Variants in AP4B1 observed in about 807,000 individuals in gnomAD.
The protein encoded by AP4B1 is AP-4 complex subunit beta-1.
A neutral mutation model predicts 76.5 loss-of-function variants in AP4B1; 49 were observed. That is an observed-to-expected ratio of 0.64 (90% confidence interval 0.51 to 0.81). The LOEUF is 0.81. Ranked by LOEUF, AP4B1 falls within the 40% of genes least tolerant of loss-of-function variation. The pLI is 0.00. For synonymous variants in AP4B1, 330 were observed against 333.3 expected, an observed-to-expected ratio of 0.99 and a Z score of 0.11; for missense variants, 911 against 904.9, an observed-to-expected ratio of 1.01 and a Z score of -0.09.
At chr1:113,902,899 A>G in intron 1 of AP4B1, 37 bp from the exon 2 acceptor site, 1 of 1,591,116 alleles carries the variant, frequency 6.3e-7, no homozygotes, top group Non-Finnish European at 8.6e-7. Flanking sequence ...GTAAAATGCA[A>G]AATCCCCAAC....
In AP4B1 at chr1:113,898,772, A is replaced by G. The variant is rs781635999; in HGVS notation, c.1144T>C (p.Cys382Arg). 4 of 1,609,894 alleles carry G rather than the reference A, an allele frequency of 2.5e-6. No homozygotes were observed. Among genetic ancestry groups the G allele is most frequent in the Admixed American group, 3.3e-5 (2 of 60,000 alleles). Residue 382 changes from cysteine to arginine, a missense_variant, in exon 6 of 10, where the codon TGT becomes CGT. By Grantham distance (180) the Cys-to-Arg change is radical. Transcript: ENST00000369569. ...AGCAACTCTGTTAAAATCTGAACAC[A>G]TTGATCTGTGTAAGTCCTGGCAATG... Reference protein sequence around the residue: ...GGIARTYTDQCVQILTELLGL... With the variant: ...GGIARTYTDQRVQILTELLGL...
At chr1:113,900,425 G>A (rs200973324) in intron 4 of AP4B1, 25 bp from the exon 5 acceptor site, 35 of 1,612,718 alleles carry the variant, frequency 2.2e-5, no homozygotes, top group African/African-American at 2.0e-4. Context: ...AAACAAAAGA[G>A]CTATTTTAGC....
chr1:113,895,837 T>A lies in AP4B1; in HGVS notation c.1712A>T (p.His571Leu). 6.2e-7 allele frequency: 1 copy of A among 1,614,230 alleles called. No homozygotes were observed. The highest frequency in any genetic ancestry group is 8.5e-7 in the Non-Finnish European group (1 of 1,180,020). ...CTGGCATTTAGAGATAGTTGCCCAG[T>A]GGGCTTTGCCATACACTGGCACCAG... ...NTLVPVYGKAHWATISKCQGA... is the reference protein window; with the variant it reads ...NTLVPVYGKALWATISKCQGA... The change falls in exon 9 of 10, where the codon CAC (histidine) becomes CTC (leucine). Residue 571 changes from histidine to leucine, a missense_variant. Transcript: ENST00000369569.
chr1:113,901,337 A>G lies in AP4B1; in HGVS notation c.516T>C (p.Asp172=). The G allele has an allele frequency of 1.2e-6, 2 of 1,614,132 alleles. No homozygotes were observed. Among genetic ancestry groups the G allele is most frequent in the Non-Finnish European group, 1.7e-6 (2 of 1,179,998 alleles). The stretch of plus-strand genomic sequence containing the variant: ...TCAAGCAGTTCACAACTACAATTGG[A>G]TCCTGGTCACGCAGCAAACTGTATA... The part of the protein sequence containing the change: ...NELYSLLRDQ[D]PIVVVNCLRS... The change falls in exon 4 of 10, where the codon GAT becomes GAC. Residue 172 remains aspartate, a synonymous_variant. Transcript: ENST00000369569.
upstream of AP4B1, chr1:113,904,808 T>C (rs1668766891): frequency 3.7e-6 from 4 of 1,095,626 alleles, no homozygotes; most frequent in Admixed American, 1.7e-5. Flanking sequence ...GTAAAGGAAA[T>C]ATGAGTCAGT....
chr1:113,900,125 C>T lies in AP4B1; in HGVS notation c.893G>A (p.Cys298Tyr). 1 of 1,614,206 alleles carries T rather than the reference C, an allele frequency of 6.2e-7. No homozygotes were observed. Among genetic ancestry groups the T allele is most frequent in the South Asian group, 1.1e-5 (1 of 91,086 alleles). The change falls in exon 5 of 10, where the codon TGT becomes TAT. Residue 298 changes from cysteine (C) to tyrosine (Y), a missense_variant. By Grantham distance (194) the Cys-to-Tyr change is radical (BLOSUM62 -2). Transcript: ENST00000369569. ...ACTATGCAAGATCTGGCGTACATGA[C>T]AAAGAGCAACAAAACAGAGCTCACG... ...ESRELCFVAL[C>Y]HVRQILHSLP...
At position 113,900,027 on chromosome 1, in the gene AP4B1, G is replaced by A. The variant is rs2101024858; in HGVS notation, c.991C>T (p.Gln331Ter). Residue 331 changes from glutamine to a stop codon, truncating the protein, a stop_gained, in exon 5 of 10, where the codon CAG (glutamine) becomes TAG (stop). Coordinates refer to ENST00000369569, the MANE Select transcript of AP4B1 (RefSeq NM_001253852.3). LOFTEE classifies it high-confidence loss of function. The part of the protein sequence containing the change: ...SYSEPHYIKL[Q>*]KVEVLCELVN... ...AGTTCACACAGCACCTCCACTTTCT[G>A]TAGTTTGATGTAGTGGGGCTCCGAG... The A allele has an allele frequency of 6.2e-7, 1 of 1,614,174 alleles. No individual in the cohort carries two copies. Among genetic ancestry groups the A allele is most frequent in the South Asian group, 1.1e-5 (1 of 91,088 alleles).
chr1:113,896,113 G>T, intron 8 of AP4B1, 75 bp from the exon 9 acceptor site: 1 of 1,606,554 alleles, frequency 6.2e-7, no homozygotes, highest in South Asian at 1.1e-5. Flanking sequence ...ACCATAATAG[G>T]AGAAAAAAAT....
Position 113,902,868 on chromosome 1 carries a change from C to A in AP4B1, c.114-6G>T. ...CCAAGCCTTGAGTCATGTACCTGAA[C>A]AACGCACATGACAGAAGGAAGTAAA... On this transcript the variant is annotated splice_region_variant and splice_polypyrimidine_tract_variant and intron_variant, in intron 1 of 9. Transcript: ENST00000369569. 1 of 1,613,368 alleles carries A rather than the reference C, an allele frequency of 6.2e-7. No individual in the cohort carries two copies. Among genetic ancestry groups the A allele is most frequent in the Non-Finnish European group, 8.5e-7 (1 of 1,179,396 alleles).
At chr1:113,904,513 G>T in intron 1 of AP4B1, 92 bp downstream of exon 1, 1 of 1,225,084 alleles carries the variant, frequency 8.2e-7, no homozygotes, top group Non-Finnish European at 1.2e-6. Flanking sequence ...ACGTGTGAAA[G>T]CTAATTCACC....
chr1:113,903,005 A>G, intron 1 of AP4B1, 143 bp from the exon 2 acceptor site: 1 of 725,416 alleles, frequency 1.4e-6, no homozygotes, highest in Non-Finnish European at 2.5e-6. Context: ...TGTCTATTAT[A>G]TCACACAGTA....
rs1667474835 is a variant in AP4B1 at position 113,896,427 on chromosome 1, C to T, written c.1341G>A (p.Gly447=). ...QALIWLLGVH[G]ERIPNAPYVL... is the part of the protein sequence containing the mutation. ...CATAAGGAGCATTAGGAATTCTTTC[C>T]CCATGGACACCAAGTAGCCAAATAA... Residue 447 remains glycine (G), a synonymous_variant, in exon 8 of 10, where the codon GGG becomes GGA. Transcript: ENST00000369569. 3.1e-6 allele frequency: 5 copies of T among 1,614,020 alleles called. No homozygotes were observed. The highest frequency in any genetic ancestry group is 1.3e-5 in the African/African-American group (1 of 74,896).
chr1:113,896,821 C>T, intron 7 of AP4B1: 1 of 302,588 alleles, frequency 3.3e-6, no homozygotes, highest in Non-Finnish European at 6.2e-6. Flanking sequence ...CTAGAGTGCA[C>T]ATCAGAGTCA....
rs374836007 is a variant in AP4B1, at chr1:113,894,308, T to C, written c.*757A>G. 9.2e-5 allele frequency among the ~76,000 whole-genome samples: 14 copies of C among 152,274 alleles called. No individual in the cohort carries two copies. The East Asian group carries it at 1.5e-3, about 17-fold the overall frequency. On this transcript the variant is annotated 3_prime_UTR_variant, in exon 10 of 10. Transcript: ENST00000369569. Reference sequence around the variant, plus strand: ...TTGAGGACAAGCAACAAGAAAACAATTACAATACTACTGCTAGAGGTATGC... The same window carrying C: ...TTGAGGACAAGCAACAAGAAAACAACTACAATACTACTGCTAGAGGTATGC...
chr1:113,895,041 C>T lies in AP4B1; in HGVS notation c.*24G>A. ...GAAAGTGTAATAGTTATTCATCTTA[C>T]TCTAGACAAGCAACAAGACTCTGTT... On this transcript the variant is annotated 3_prime_UTR_variant, in exon 10 of 10. Coordinates refer to ENST00000369569, the MANE Select transcript of AP4B1 (RefSeq NM_001253852.3). 6.2e-7 allele frequency: 1 copy of T among 1,606,084 alleles called. No individual in the cohort carries two copies.
rs1323439008 is a variant in AP4B1 at position 113,895,919 on chromosome 1, G to A, written c.1630C>T (p.Leu544Phe). 3.1e-6 allele frequency: 5 copies of A among 1,614,072 alleles called. No homozygotes were observed. The African/African-American group carries it at 5.3e-5, about 17-fold the overall frequency. ...CSPKSDPTLG[L>F]LEDPAERPVN... The stretch of plus-strand genomic sequence containing the variant: ...GGTCTTTCTGCCGGATCCTCCAAAA[G>A]TCCAAGAGTAGGGTCAGATTTAGGG... The change falls in exon 9 of 10, where the codon CTT (leucine) becomes TTT (phenylalanine). Residue 544 changes from leucine (L) to phenylalanine (F), a missense_variant. By Grantham distance (22) the Leu-to-Phe change is conservative. Transcript: ENST00000369569.
At chr1:113,898,480 CA>C (rs1667770134) in intron 6 of AP4B1, among the ~76,000 whole-genome samples, 1 of 152,192 alleles carries the variant, frequency 6.6e-6, no homozygotes, top group Admixed American at 6.5e-5. Context: ...AAATATCAAG[CA>C]AGGTCATCCT....
At chr1:113,902,951 C>A in intron 1 of AP4B1, 89 bp from the exon 2 acceptor site, 1 of 1,182,978 alleles carries the variant, frequency 8.5e-7, no homozygotes, top group South Asian at 1.2e-5. Flanking sequence ...CCTGATTACC[C>A]AACTAGATTG....
rs1571524308 is a variant in AP4B1, at chr1:113,894,709, G to A, written c.*356C>T. 2 of 262,882 alleles carry A rather than the reference G, an allele frequency of 7.6e-6. No homozygotes were observed. Among genetic ancestry groups the A allele is most frequent in the East Asian group, 2.1e-4 (2 of 9,632 alleles). The allele number at this position is 262,882 out of a possible 1,614,324, so 16.3% of individuals were successfully genotyped here. Reference sequence around the variant, plus strand: ...TAGGAATTTACTATAATAATCCAGGGAAGAAAAGATGACCCCCACAAATGA... The same window carrying A: ...TAGGAATTTACTATAATAATCCAGGAAAGAAAAGATGACCCCCACAAATGA... On this transcript the variant is annotated 3_prime_UTR_variant, in exon 10 of 10. Transcript: ENST00000369569.
Sources: allele counts gnomAD v4.1 joint callset (sites outside exome capture counted in the v4.1 genomes callset), GRCh38; gene constraint gnomAD v4.1.1; transcripts MANE v1.5; gene names NCBI Gene and HGNC (gene_info 2026-07-23, HGNC 2026-07-21).